The following LINGO2 variants were observed in gnomAD, a reference collection of about 807,000 sequenced individuals.
The protein encoded by LINGO2 is leucine-rich repeat and immunoglobulin-like domain-containing nogo receptor-interacting protein 2.
LINGO2 carries 14 observed loss-of-function variants against 30.6 expected under a neutral mutation model. The ratio of observed to expected loss-of-function variants is 0.46; its 90% confidence interval spans 0.30 to 0.72. The LOEUF is 0.72. Ranked by LOEUF, LINGO2 falls within the 30% of genes least tolerant of loss-of-function variation. The pLI, the probability that LINGO2 is intolerant of heterozygous loss-of-function variation, is 0.07. For missense variants in LINGO2, 729 were observed against 751.7 expected (o/e 0.97, Z 0.35); for synonymous variants, 317 against 288.5 (o/e 1.10, Z -1.00).
intron 5 of LINGO2, among the ~76,000 whole-genome samples, chr9:27,955,464 A>G (rs886249327): frequency 5.9e-5 from 9 of 152,210 alleles, no homozygotes; most frequent in Non-Finnish European, 1.3e-4. Flanking sequence ...TTTTCCGTCT[A>G]TCCCAACCTC....
At chr9:28,512,155 T>A (rs1385528009) in intron 1 of LINGO2, among the ~76,000 whole-genome samples, 3 of 152,096 alleles carry the variant, frequency 2.0e-5, no homozygotes, top group Non-Finnish European at 4.4e-5. Flanking sequence ...GACGCAATGC[T>A]GCTGTGCATG....
the LINGO2 span, among the ~76,000 whole-genome samples, chr9:28,836,217 G>T: frequency 6.6e-6 from 1 of 152,186 alleles, no homozygotes; most frequent in South Asian, 2.1e-4. Flanking sequence ...GAAATGTTCT[G>T]CAGGAGCACA....
At chr9:28,879,436 C>T in the LINGO2 span, among the ~76,000 whole-genome samples, 1 of 152,100 alleles carries the variant, frequency 6.6e-6, no homozygotes, top group Non-Finnish European at 1.5e-5. Flanking sequence ...GAAACCTTCC[C>T]AAATGACACA....
the LINGO2 span, among the ~76,000 whole-genome samples, chr9:28,984,606 G>C: frequency 6.6e-6 from 1 of 151,948 alleles, no homozygotes; most frequent in African/African-American, 2.4e-5. Context: ...ATGAATGACA[G>C]ATACTTTTTA....
At chr9:28,293,561 G>A (rs1042638399) in intron 4 of LINGO2, among the ~76,000 whole-genome samples, 1 of 152,000 alleles carries the variant, frequency 6.6e-6, no homozygotes, top group African/African-American at 2.4e-5. Flanking sequence ...ATATTTTGTT[G>A]TTGGGTGGAG....
chr9:28,911,924 A>G, the LINGO2 span, among the ~76,000 whole-genome samples: 1 of 152,134 alleles, frequency 6.6e-6, no homozygotes, highest in Admixed American at 6.6e-5. Flanking sequence ...CTTACTCAGC[A>G]GCCAAACATC....
chr9:28,996,863 A>G, the LINGO2 span, among the ~76,000 whole-genome samples: 3 of 152,206 alleles, frequency 2.0e-5, no homozygotes, highest in Admixed American at 6.5e-5. Context: ...TCAAAATCAA[A>G]TATTTTATGA....
At chr9:28,243,469 A>G (rs74346775) in intron 4 of LINGO2, among the ~76,000 whole-genome samples, 15 of 145,160 alleles carry the variant, frequency 1.0e-4, no homozygotes, top group African/African-American at 3.1e-4. Context: ...AAAAATAAAA[A>G]AAGAAGAAGA....
chr9:29,125,560 A>G, the LINGO2 span, among the ~76,000 whole-genome samples: 55 of 152,182 alleles, frequency 3.6e-4, no homozygotes, highest in Admixed American at 2.5e-3. Context: ...TTGTATTTGA[A>G]TATCTGTTAC....
rs75576967 is a variant in LINGO2 at position 28,504,220 on chromosome 9, A to G, written c.-364-28195T>C. ...TAATGCAAACAATCATACTTCCATC[A>G]TTTCTCTATATTTTCCCACATACTT... On this transcript the variant is annotated intron_variant, in intron 1 of 5. Transcript: ENST00000379992. 7.4e-3 allele frequency among the ~76,000 whole-genome samples: 1,126 copies of G among 151,926 alleles called. 46 individuals are homozygous for G. In the East Asian group the frequency reaches 0.12, roughly 16 times the overall value.
the LINGO2 span, among the ~76,000 whole-genome samples, chr9:28,832,439 G>T: frequency 1.3e-5 from 2 of 152,116 alleles, no homozygotes; most frequent in Non-Finnish European, 2.9e-5. Flanking sequence ...ATTCAACTCA[G>T]TTCCGTAACT....
chr9:28,346,499 A>G (rs2134415367), intron 3 of LINGO2, among the ~76,000 whole-genome samples: 1 of 152,262 alleles, frequency 6.6e-6, no homozygotes, highest in South Asian at 2.1e-4. Flanking sequence ...CAATGAACAT[A>G]CGTGTGCATG....
intron 4 of LINGO2, among the ~76,000 whole-genome samples, chr9:28,214,687 A>C (rs1166348463): frequency 1.3e-5 from 2 of 151,614 alleles, no homozygotes; most frequent in Non-Finnish European, 3.0e-5. Context: ...TAGCTATTTT[A>C]TATATGAAGG....
chr9:28,015,371 T>C (rs1563914045), intron 4 of LINGO2, among the ~76,000 whole-genome samples: 1 of 152,090 alleles, frequency 6.6e-6, no homozygotes, highest in Non-Finnish European at 1.5e-5. Context: ...TTAAAGATTA[T>C]AAAAATGCAT....
At chr9:28,456,102 G>A (rs923143490) in intron 2 of LINGO2, among the ~76,000 whole-genome samples, 1 of 152,050 alleles carries the variant, frequency 6.6e-6, no homozygotes, top group Non-Finnish European at 1.5e-5. Context: ...AGTAATTTTT[G>A]AGTGTTTATC....
At chr9:28,848,193 CAT>C in the LINGO2 span, among the ~76,000 whole-genome samples, 1 of 92,868 alleles carries the variant, frequency 1.1e-5, no homozygotes, top group African/African-American at 5.2e-5. Context: ...TATATATACA[CAT>C]ATATAGTATA....
At chr9:28,430,109 C>CGCGTGT (rs569701444) in intron 2 of LINGO2, among the ~76,000 whole-genome samples, 1,564 of 136,164 alleles carry the variant, frequency 0.011, 21 homozygotes, top group African/African-American at 0.035. Context: ...CGCGCGCGCG[C>CGCGTGT]GTGTGTGTGT....
At chr9:28,037,593 T>C (rs1445422052) in intron 4 of LINGO2, among the ~76,000 whole-genome samples, 2 of 152,236 alleles carry the variant, frequency 1.3e-5, no homozygotes, top group Non-Finnish European at 2.9e-5. Flanking sequence ...TTGTTTGTTA[T>C]GTAGTTATTT....
chr9:28,776,902 A>C, the LINGO2 span, among the ~76,000 whole-genome samples: 1 of 151,530 alleles, frequency 6.6e-6, no homozygotes, highest in East Asian at 1.9e-4. Context: ...GTCCCTGCCC[A>C]AATCTCTTGT....
Sources: gnomAD v4.1 joint callset for allele counts (sites outside exome capture counted in the v4.1 genomes callset) on GRCh38, gnomAD v4.1.1 for gene constraint, MANE v1.5 for transcripts, NCBI Gene and HGNC (gene_info 2026-07-23, HGNC 2026-07-21) for gene names.